USP24: variants seen among roughly 807,000 people sequenced by gnomAD.
The protein encoded by USP24 is ubiquitin specific peptidase 24.
In USP24, 97 loss-of-function variants were observed where a neutral mutation model predicts 361.6. That is an observed-to-expected ratio of 0.27 (90% confidence interval 0.23 to 0.32). USP24 has a LOEUF of 0.32. USP24 is among the 10% of genes least tolerant of loss of function. The pLI is 1.00. For synonymous variants in USP24, 1,098 were observed against 1,124.6 expected (o/e 0.98, Z 0.47); for missense variants, 2,353 against 3,165.6 (o/e 0.74, Z 6.16).
Position 55,104,028 on chromosome 1 carries a change from C to T in USP24, c.4881-8G>A. Reference sequence around the variant, plus strand: ...CTATTCGCTGTACTACACCTAGAAACAAAAGACACAAGTCAATTTCAACAA... The same window carrying T: ...CTATTCGCTGTACTACACCTAGAAATAAAAGACACAAGTCAATTTCAACAA... On this transcript the variant is annotated splice_polypyrimidine_tract_variant and splice_region_variant and intron_variant, in intron 41 of 67. Coordinates refer to ENST00000294383, the MANE Select transcript of USP24 (RefSeq NM_015306.3). 7 of 1,593,738 alleles carry T rather than the reference C, an allele frequency of 4.4e-6. No individual in the cohort carries two copies. The highest frequency in any genetic ancestry group is 6.0e-6 in the Non-Finnish European group (7 of 1,170,440).
chr1:55,182,860 G>A (rs764102266), intron 1 of USP24, among the ~76,000 whole-genome samples: 3 of 152,024 alleles, frequency 2.0e-5, no homozygotes, highest in East Asian at 1.9e-4. Context: ...GACTACAAGC[G>A]CATACCACCA....
In USP24 at chr1:55,153,747, A is replaced by G; in HGVS notation, c.1860+123T>C. ...GGTCATAAACAAATTTTTAGACATC[A>G]AGTTTAATATGAACATTAAGAAACA... On this transcript the variant is annotated intron_variant, in intron 16 of 67. Transcript: ENST00000294383. 8.0e-6 allele frequency: 9 copies of G among 1,123,176 alleles called. No homozygotes were observed. The South Asian group carries it at 1.4e-4, about 17-fold the overall frequency. 69.6% of individuals were successfully genotyped at this position (1,123,176 alleles called of 1,614,324 possible). A position where few individuals can be genotyped will look rare whatever the true frequency, so the allele number is the denominator to read the frequency against.
chr1:55,141,633 T>A lies in USP24; in HGVS notation c.2733A>T (p.Ser911=), dbSNP rs1261689058. The A allele has an allele frequency of 3.1e-6, 5 of 1,611,742 alleles. No individual in the cohort carries two copies. The highest frequency in any genetic ancestry group is 4.2e-6 in the Non-Finnish European group (5 of 1,178,908). The stretch of plus-strand genomic sequence containing the variant: ...TCACTTACCTATAAGGAGACTGAAC[T>A]GAGGTTGCTACAGTTGGCATGGCAG... ...TATAMPTVAT[S]VQSPYRSTKL... is the part of the protein sequence containing the mutation. The change falls in exon 24 of 68, where the codon TCA becomes TCT. Residue 911 remains serine (S), a synonymous_variant. Coordinates refer to ENST00000294383, the MANE Select transcript of USP24 (RefSeq NM_015306.3).
chr1:55,151,509 G>T (rs1215021838), intron 16 of USP24, among the ~76,000 whole-genome samples: 1 of 152,182 alleles, frequency 6.6e-6, no homozygotes, highest in Admixed American at 6.5e-5. Context: ...TTTGCTAAAA[G>T]CCTGTCAGGC....
intron 10 of USP24, among the ~76,000 whole-genome samples, chr1:55,157,777 TG>T: frequency 6.8e-6 from 1 of 147,888 alleles, no homozygotes; most frequent in East Asian, 2.0e-4. Flanking sequence ...GAGGTTGCAG[TG>T]GTCCAAGATT....
In USP24 at chr1:55,193,134, T is replaced by C. The variant is rs77587376; in HGVS notation, c.325-15002A>G. Among the ~76,000 whole-genome samples the C allele has an allele frequency of 7.5e-3, 1,136 of 152,350 alleles. 12 individuals are homozygous for C. The highest frequency in any genetic ancestry group is 0.027 in the African/African-American group (1,102 of 41,578). On this transcript the variant is annotated intron_variant, in intron 1 of 67. Transcript: ENST00000294383. ...TGTAATTTACATTACAAATAATGTA[T>C]TTATATACAGTATAACAACTACTTG... is the stretch of plus-strand genomic sequence containing the variant.
chr1:55,095,288 C>T lies in USP24; in HGVS notation c.6170G>A (p.Ser2057Asn). The T allele has an allele frequency of 6.2e-7, 1 of 1,613,734 alleles. No homozygotes were observed. Among genetic ancestry groups the T allele is most frequent in the Non-Finnish European group, 8.5e-7 (1 of 1,179,798 alleles). ...SPVLPKKSRVSVVRQEAEDLS... is the reference protein window; with the variant it reads ...SPVLPKKSRVNVVRQEAEDLS... ...ATCCTCAGCTTCCTGCCGTACAACG[C>T]TGACTCGACTTTTCTTTGGTAATAC... Residue 2057 changes from serine to asparagine, a missense_variant, in exon 51 of 68, where the codon AGC becomes AAC. Ser to Asn is a conservative substitution (Grantham distance 46). Around this residue, in one of 8 missense-constraint regions of USP24, gnomAD observed 598 missense variants for 761.9 expected, o/e 0.78. Transcript: ENST00000294383.
rs1646339335 is a variant in USP24, at chr1:55,123,428, A to T, written c.4276+19T>A. The T allele has an allele frequency of 1.3e-6, 2 of 1,552,146 alleles. No homozygotes were observed. Among genetic ancestry groups the T allele is most frequent in the Non-Finnish European group, 1.7e-6 (2 of 1,147,786 alleles). Reference sequence around the variant, plus strand: ...CCTTTCCCTGAAAGAGATTAATCACAAACAAGCCTCCAGCATACCCAGTTG... The same window carrying T: ...CCTTTCCCTGAAAGAGATTAATCACTAACAAGCCTCCAGCATACCCAGTTG... On this transcript the variant is annotated intron_variant, in intron 36 of 67. Coordinates refer to ENST00000294383, the MANE Select transcript of USP24 (RefSeq NM_015306.3).
chr1:55,069,872 CAAAAAAAAAA>C (rs11365818), intron 67 of USP24, among the ~76,000 whole-genome samples: 1 of 35,658 alleles, frequency 2.8e-5, no homozygotes, highest in Non-Finnish European at 4.5e-5. Context: ...CACTCCATCT[CAAAAAAAAAA>C]AAAAAAAAAA....
intron 61 of USP24, among the ~76,000 whole-genome samples, chr1:55,078,320 A>G (rs1645071963): frequency 6.6e-6 from 1 of 152,028 alleles, no homozygotes; most frequent in Non-Finnish European, 1.5e-5. Context: ...TTTTGGCCTC[A>G]TTTCTATGCT....
chr1:55,099,093 C>T (rs1645566693), intron 45 of USP24, among the ~76,000 whole-genome samples: 1 of 152,158 alleles, frequency 6.6e-6, no homozygotes, highest in Non-Finnish European at 1.5e-5. Context: ...TGTGCCAGAG[C>T]ACTCTCTGCT....
chr1:55,182,934 G>C (rs542946884), intron 1 of USP24, among the ~76,000 whole-genome samples: 1 of 152,146 alleles, frequency 6.6e-6, no homozygotes, highest in African/African-American at 2.4e-5. Context: ...GGTCAGGCTG[G>C]TCTTGAACTC....
At chr1:55,112,750 G>A (rs1645991128) in intron 38 of USP24, among the ~76,000 whole-genome samples, 1 of 152,160 alleles carries the variant, frequency 6.6e-6, no homozygotes, top group South Asian at 2.1e-4. Context: ...GTTGATTTGG[G>A]GTGGAGAGTT....
rs77753021 is a variant in USP24 at position 55,094,482 on chromosome 1, T to C, written c.6204-395A>G. Among the ~76,000 whole-genome samples, 671 of 152,232 alleles carry C rather than the reference T, an allele frequency of 4.4e-3. 2 individuals are homozygous for C. The highest frequency in any genetic ancestry group is 0.016 in the African/African-American group (649 of 41,548). ...TTATCTTAGAGCCACACACTCAAAGTCGTGTAAGAACAAAGTATTGAACCA... is the reference window on the plus strand; with the variant it reads ...TTATCTTAGAGCCACACACTCAAAGCCGTGTAAGAACAAAGTATTGAACCA... On this transcript the variant is annotated intron_variant, in intron 51 of 67. Coordinates refer to ENST00000294383, the MANE Select transcript of USP24 (RefSeq NM_015306.3).
chr1:55,171,430 A>G, intron 5 of USP24, 126 bp downstream of exon 5: 1 of 1,208,300 alleles, frequency 8.3e-7, no homozygotes, highest in Non-Finnish European at 1.1e-6. Context: ...TTTATGAGCC[A>G]GATGGGATAT....
chr1:55,071,948 C>T (rs752398684), intron 66 of USP24, 24 bp from the exon 67 acceptor site: 50 of 1,584,742 alleles, frequency 3.2e-5, no homozygotes, highest in African/African-American at 9.4e-5. Flanking sequence ...AAACACAAGA[C>T]GACAAAGTTA....
At chr1:55,119,055 C>T (rs1235825362) in intron 38 of USP24, among the ~76,000 whole-genome samples, 1 of 152,190 alleles carries the variant, frequency 6.6e-6, no homozygotes, top group Non-Finnish European at 1.5e-5. Context: ...AATGATCTAG[C>T]AATTCCACTT....
chr1:55,137,882 C>T lies in USP24; in HGVS notation c.2951G>A (p.Gly984Glu). 6.3e-7 allele frequency: 1 copy of T among 1,592,086 alleles called. No homozygotes were observed. ...CTTGGCTATTTTCCACCGGACACTC[C>T]CTATGGTTTCATTACTGTGAGCCTG... Reference protein sequence around the residue: ...TVEAHSNETIGSVRWKIAKQL... With the variant: ...TVEAHSNETIESVRWKIAKQL... Residue 984 changes from glycine (G) to glutamate (E), a missense_variant, in exon 27 of 68, where the codon GGG (glycine) becomes GAG (glutamate). Gly to Glu is a moderately conservative substitution (Grantham distance 98). Coordinates refer to ENST00000294383, the MANE Select transcript of USP24 (RefSeq NM_015306.3).
intron 20 of USP24, 50 bp downstream of exon 20, chr1:55,145,948 C>T: frequency 7.8e-7 from 1 of 1,279,622 alleles, no homozygotes; most frequent in South Asian, 1.2e-5. Flanking sequence ...GAAAGAATAA[C>T]ACTTCTTACT....
Sources: gnomAD v4.1 joint callset for allele counts (sites outside exome capture counted in the v4.1 genomes callset) on GRCh38, gnomAD v4.1.1 for gene constraint, gnomAD v4.1.1 regional missense constraint, MANE v1.5 for transcripts, NCBI Gene and HGNC (gene_info 2026-07-23, HGNC 2026-07-21) for gene names.